Variants in TALDO1 observed in about 807,000 individuals in gnomAD.
The protein encoded by TALDO1 is transaldolase.
A neutral mutation model predicts 38.1 loss-of-function variants in TALDO1; 29 were observed. The ratio of observed to expected loss-of-function variants is 0.76; its 90% CI spans 0.57 to 1.04. TALDO1 has a LOEUF of 1.04. TALDO1 is among the 50% of genes least tolerant of loss of function. TALDO1 has a pLI of 0.00. For synonymous variants in TALDO1, 207 were observed against 176.8 expected (o/e 1.17, Z -1.36); for missense variants, 499 against 438.1 (o/e 1.14, Z -1.24).
intron 1 of TALDO1, among the ~76,000 whole-genome samples, chr11:753,757 A>G (rs1862788702): frequency 6.6e-6 from 1 of 150,966 alleles, no homozygotes; most frequent in African/African-American, 2.4e-5. Context: ...AAGTACAAAA[A>G]TTAGCCAGGC....
Position 763,425 on chromosome 11 carries a change from G to A in TALDO1, c.543G>A (p.Ala181=), listed in dbSNP as rs1045053930. ...CCCAGGCTGTGGCCTGTGCCGAGGCGGGTGTGACCCTCATCTCCCCATTTG... is the reference window on the plus strand; with the variant it reads ...CCCAGGCTGTGGCCTGTGCCGAGGCAGGTGTGACCCTCATCTCCCCATTTG... ...SFAQAVACAE[A]GVTLISPFVG... The change falls in exon 5 of 8, where the codon GCG becomes GCA. Residue 181 remains alanine, a synonymous_variant. Transcript: ENST00000319006. 32 of 1,613,290 alleles carry A rather than the reference G, an allele frequency of 2.0e-5. No individual in the cohort carries two copies. Among genetic ancestry groups the A allele is most frequent in the East Asian group, 4.5e-5 (2 of 44,860 alleles).
chr11:758,083 A>G (rs1862868290), intron 2 of TALDO1, among the ~76,000 whole-genome samples: 1 of 152,242 alleles, frequency 6.6e-6, no homozygotes, highest in Non-Finnish European at 1.5e-5. Context: ...GGAGATCGAG[A>G]CCATCCTGGC....
intron 7 of TALDO1, 146 bp downstream of exon 7, chr11:764,579 GC>G: frequency 7.0e-7 from 1 of 1,420,436 alleles, no homozygotes; most frequent in Non-Finnish European, 9.7e-7. Flanking sequence ...GCCTGTTGAG[GC>G]CATCCCAGGG....
chr11:760,361 G>C, intron 4 of TALDO1, 108 bp downstream of exon 4: 2 of 1,540,452 alleles, frequency 1.3e-6, no homozygotes, highest in Non-Finnish European at 1.8e-6. Flanking sequence ...GGGAATGCCA[G>C]ACTGGGGAGC....
chr11:759,061 A>T lies in TALDO1; in HGVS notation c.329+4A>T, dbSNP rs1395708719. ...TATCCACAGAAGTAGACGCAAGGTA[A>T]GGATGCTTGCTCCTGCACTGGATGG... is the stretch of plus-strand genomic sequence containing the variant. On this transcript the variant is annotated splice_donor_region_variant and intron_variant, in intron 3 of 7. Transcript: ENST00000319006. The T allele has an allele frequency of 1.2e-6, 2 of 1,609,104 alleles. No individual in the cohort carries two copies. The highest frequency in any genetic ancestry group is 8.5e-7 in the Non-Finnish European group (1 of 1,176,358).
intron 7 of TALDO1, 34 bp from the exon 8 acceptor site, chr11:764,779 G>A: frequency 6.2e-7 from 1 of 1,614,134 alleles, no homozygotes; most frequent in Non-Finnish European, 8.5e-7. Flanking sequence ...AAGGTAGGGT[G>A]GGGAGACACA....
chr11:755,004 A>T (rs575026926), intron 1 of TALDO1, among the ~76,000 whole-genome samples: 18 of 152,304 alleles, frequency 1.2e-4, no homozygotes, highest in Non-Finnish European at 2.1e-4. Flanking sequence ...AATTAGTCTT[A>T]AAGTTGCAGC....
chr11:764,670 G>A (rs1352696863), intron 7 of TALDO1, 143 bp from the exon 8 acceptor site: 8 of 1,408,610 alleles, frequency 5.7e-6, no homozygotes, highest in Non-Finnish European at 5.0e-6. Context: ...TGGTGACTGT[G>A]GTATTGGCCA....
chr11:758,900 T>G (rs1862887282), intron 2 of TALDO1, 50 bp from the exon 3 acceptor site: 1 of 1,531,250 alleles, frequency 6.5e-7, no homozygotes, highest in South Asian at 1.1e-5. Context: ...CCACCGCACC[T>G]GGCGAACCTC....
At chr11:751,324 A>G (rs768798985) in intron 1 of TALDO1, among the ~76,000 whole-genome samples, 6 of 152,170 alleles carry the variant, frequency 3.9e-5, no homozygotes, top group Non-Finnish European at 7.3e-5. Flanking sequence ...TTTGGGAAGA[A>G]AAAATTGCAG....
intron 6 of TALDO1, 53 bp downstream of exon 6, chr11:763,997 C>G: frequency 6.3e-7 from 1 of 1,586,050 alleles, no homozygotes; most frequent in Non-Finnish European, 8.5e-7. Context: ...CCAGCACTGC[C>G]GTGCCACGCT....
At chr11:753,678 T>TG (rs1862787711) in intron 1 of TALDO1, among the ~76,000 whole-genome samples, 1 of 151,758 alleles carries the variant, frequency 6.6e-6, no homozygotes, top group South Asian at 2.1e-4. Context: ...GAGCTGAGCT[T>TG]GCGCCACTGC....
At chr11:755,671 G>A (rs568766960) in intron 1 of TALDO1, 2 of 654,244 alleles carry the variant, frequency 3.1e-6, no homozygotes, top group African/African-American at 3.6e-5. Flanking sequence ...TGGGCACTTA[G>A]TGTTTGTTGT....
At position 763,748 on chromosome 11, in the gene TALDO1, G is replaced by T; in HGVS notation, c.639G>T (p.Gly213=). 6.2e-7 allele frequency: 1 copy of T among 1,613,852 alleles called. No individual in the cohort carries two copies. Among genetic ancestry groups the T allele is most frequent in the Non-Finnish European group, 8.5e-7 (1 of 1,179,910 alleles). ...GGTCACAGCTTGGTCTCTTTCCAGGGGTAAAGAGTGTCACTAAAATCTACA... is the reference window on the plus strand; with the variant it reads ...GGTCACAGCTTGGTCTCTTTCCAGGTGTAAAGAGTGTCACTAAAATCTACA... The part of the protein sequence containing the change: ...KKSYEPLEDP[G]VKSVTKIYNY... Residue 213 remains glycine (G), a splice_region_variant and synonymous_variant, in exon 6 of 8, where the codon GGG becomes GGT. Transcript: ENST00000319006.
rs886048658 is a variant in TALDO1, at chr11:747,529, C to T, written c.48C>T (p.Asp16=). ...VKRQRMESAL[D]QLKQFTTVVA... is the part of the protein sequence containing the mutation. ...GTCAGAGGATGGAGTCCGCGCTGGA[C>T]CAGCTCAAGCAGTTCACCACCGTGG... is the stretch of plus-strand genomic sequence containing the variant. The change falls in exon 1 of 8, where the codon GAC becomes GAT. Residue 16 remains aspartate (D), a synonymous_variant. Coordinates refer to ENST00000319006, the MANE Select transcript of TALDO1 (RefSeq NM_006755.2). 5 of 1,599,388 alleles carry T rather than the reference C, an allele frequency of 3.1e-6. No individual in the cohort carries two copies. In the Middle Eastern group the frequency reaches 5.0e-4, roughly 159 times the overall value.
At position 755,915 on chromosome 11, in the gene TALDO1, A is replaced by C. The variant is rs1862827774; in HGVS notation, c.134A>C (p.Asn45Thr). Reference sequence around the variant, plus strand: ...TACAAGCCCCAGGATGCTACCACCAACCCGTCCCTGATCCTGGCCGCAGCA... The same window carrying C: ...TACAAGCCCCAGGATGCTACCACCACCCCGTCCCTGATCCTGGCCGCAGCA... ...DEYKPQDATTNPSLILAAAQM... is the reference protein window; with the variant it reads ...DEYKPQDATTTPSLILAAAQM... Residue 45 changes from asparagine to threonine, a missense_variant, in exon 2 of 8, where the codon AAC becomes ACC. Physicochemically the swap from Asn to Thr is moderately conservative, Grantham distance 65. Transcript: ENST00000319006. 1 of 1,613,980 alleles carries C rather than the reference A, an allele frequency of 6.2e-7. No individual in the cohort carries two copies. The highest frequency in any genetic ancestry group is 1.1e-5 in the South Asian group (1 of 91,072).
intron 4 of TALDO1, among the ~76,000 whole-genome samples, chr11:762,089 C>T (rs763927704): frequency 3.9e-5 from 6 of 152,106 alleles, no homozygotes; most frequent in African/African-American, 9.7e-5. Flanking sequence ...CCTCAGCCTC[C>T]GGAGTAGCTG....
Position 758,984 on chromosome 11 carries a change from A to G in TALDO1, c.256A>G (p.Lys86Glu), listed in dbSNP as rs1564992460. 1 of 1,612,978 alleles carries G rather than the reference A, an allele frequency of 6.2e-7. No homozygotes were observed. The highest frequency in any genetic ancestry group is 2.2e-5 in the East Asian group (1 of 44,826). The change falls in exon 3 of 8, where the codon AAA (lysine) becomes GAA (glutamate). Residue 86 changes from lysine to glutamate, a missense_variant. Coordinates refer to ENST00000319006, the MANE Select transcript of TALDO1 (RefSeq NM_006755.2). ...QEDQIKNAID[K>E]LFVLFGAEIL... ...GGACCAGATTAAAAATGCTATTGAT[A>G]AACTTTTTGTGTTGTTTGGAGCAGA...
intron 2 of TALDO1, 85 bp from the exon 3 acceptor site, chr11:758,865 A>G (rs542864521): frequency 2.8e-6 from 3 of 1,090,682 alleles, no homozygotes; most frequent in South Asian, 2.5e-5. Context: ...TCGGCCTCCC[A>G]AAGTGCTGGG....
Sources: allele counts gnomAD v4.1 joint callset (sites outside exome capture counted in the v4.1 genomes callset), GRCh38; gene constraint gnomAD v4.1.1; transcripts MANE v1.5; gene names NCBI Gene and HGNC (gene_info 2026-07-23, HGNC 2026-07-21).